The following HERC3 variants were observed in gnomAD, a reference collection of about 807,000 sequenced individuals.
HERC3 encodes probable E3 ubiquitin-protein ligase HERC3.
Under a neutral mutation model 129.9 loss-of-function variants are expected in HERC3, and 58 were observed. The ratio of observed to expected loss-of-function variants is 0.45; its 90% CI spans 0.36 to 0.56. HERC3 has a LOEUF of 0.56. Among genes scored for constraint, HERC3 ranks in the 20% least tolerant of loss-of-function variants. The pLI, the probability that HERC3 is intolerant of heterozygous loss-of-function variation, is 0.00. For synonymous variants in HERC3, 430 were observed against 451.0 expected, an observed-to-expected ratio of 0.95 and a Z score of 0.59; for missense variants, 835 against 1,244.2, an observed-to-expected ratio of 0.67 and a Z score of 4.95.
chr4:88,567,281 T>A, the HERC3 span, among the ~76,000 whole-genome samples: 2 of 152,212 alleles, frequency 1.3e-5, no homozygotes, highest in Non-Finnish European at 2.9e-5. Context: ...CTTATTTAGG[T>A]TAAATCTGCT....
chr4:88,530,935 T>C, the HERC3 span, among the ~76,000 whole-genome samples: 10 of 152,146 alleles, frequency 6.6e-5, no homozygotes, highest in Non-Finnish European at 1.2e-4. Flanking sequence ...CTGCAACCTC[T>C]ACCTCCCAGG....
At chr4:88,697,641 G>T (rs367583588) in intron 23 of HERC3, 1 of 1,613,656 alleles carries the variant, frequency 6.2e-7, no homozygotes, top group Non-Finnish European at 8.5e-7. Context: ...CAGCCGCGCT[G>T]TCACAGTCTC....
rs1340115252 is a variant in HERC3, at chr4:88,677,994, G to A, written c.2056G>A (p.Val686Ile). ...VAVNGANLQN[V>I]FMLLTLEPLL... ...AGTCAATGGAGCCAACCTGCAGAATGTCTTCATGCTTCTCACCCTGGAGCC... is the reference window on the plus strand; with the variant it reads ...AGTCAATGGAGCCAACCTGCAGAATATCTTCATGCTTCTCACCCTGGAGCC... The change falls in exon 19 of 26, where the codon GTC becomes ATC. Residue 686 changes from valine (V) to isoleucine (I), a missense_variant. Transcript: ENST00000402738. 1 of 1,613,430 alleles carries A rather than the reference G, an allele frequency of 6.2e-7. No individual in the cohort carries two copies.
At chr4:88,646,848 G>A (rs1274221413) in intron 3 of HERC3, among the ~76,000 whole-genome samples, 2 of 152,246 alleles carry the variant, frequency 1.3e-5, no homozygotes, top group Non-Finnish European at 2.9e-5. Context: ...AGTTAGACTT[G>A]TGTAACCAGT....
intron 23 of HERC3, chr4:88,690,149 T>G (rs1440871342): frequency 1.0e-6 from 1 of 985,290 alleles, no homozygotes; most frequent in African/African-American, 1.7e-5. Flanking sequence ...ATCAAAACCC[T>G]TGATAAGAAT....
chr4:88,589,731 G>A (rs1721614836), upstream of HERC3, among the ~76,000 whole-genome samples: 1 of 152,152 alleles, frequency 6.6e-6, no homozygotes, highest in Admixed American at 6.5e-5. Flanking sequence ...CCATTTTGAA[G>A]CAGGACATGC....
chr4:88,693,342 T>C lies in HERC3; in HGVS notation c.2657+6043T>C, dbSNP rs567555543. 9.4e-6 allele frequency: 9 copies of C among 962,434 alleles called. No homozygotes were observed. The East Asian group carries it at 8.1e-4, about 86-fold the overall frequency. The allele number at this position is 962,434 out of a possible 1,614,324, so 59.6% of individuals were successfully genotyped here. A position where few individuals can be genotyped will look rare whatever the true frequency, so the allele number is the denominator to read the frequency against. The stretch of plus-strand genomic sequence containing the variant: ...TATAACATTTGAATTTGTTGGTAGA[T>C]ATTTTTGATAAATTGATTTTGCTAA... On this transcript the variant is annotated intron_variant, in intron 23 of 25. Transcript: ENST00000402738.
At chr4:88,658,217 AC>A (rs1387306953) in intron 9 of HERC3, 197 bp from the exon 10 acceptor site, 1 of 389,682 alleles carries the variant, frequency 2.6e-6, no homozygotes, top group East Asian at 3.8e-5. Flanking sequence ...AGTGGAGGAT[AC>A]CATTTTATAT....
chr4:88,697,877 G>GC (rs1734827163), intron 23 of HERC3: 1 of 1,375,852 alleles, frequency 7.3e-7, no homozygotes. Flanking sequence ...AATGACGTTG[G>GC]CCGCGGCCCC....
chr4:88,680,934 T>G, intron 20 of HERC3: 179 of 750,952 alleles, frequency 2.4e-4, no homozygotes, highest in Non-Finnish European at 2.7e-4. Flanking sequence ...TAGATGACTG[T>G]GAGCTGTTCT....
chr4:88,666,748 T>C (rs1731087918), intron 12 of HERC3, among the ~76,000 whole-genome samples: 1 of 152,178 alleles, frequency 6.6e-6, no homozygotes, highest in Non-Finnish European at 1.5e-5. Flanking sequence ...TATTTAAGGT[T>C]AAAAAAATGA....
chr4:88,600,285 G>A (rs1284123992), intron 2 of HERC3, among the ~76,000 whole-genome samples: 1 of 152,152 alleles, frequency 6.6e-6, no homozygotes. Context: ...ATATAGTTAG[G>A]TTCTGTAAAG....
chr4:88,562,968 G>T, the HERC3 span, among the ~76,000 whole-genome samples: 1 of 152,196 alleles, frequency 6.6e-6, no homozygotes, highest in African/African-American at 2.4e-5. Flanking sequence ...TCCTTGGGAT[G>T]GCTTTGGCTA....
chr4:88,683,524 G>A (rs975169062), intron 21 of HERC3, among the ~76,000 whole-genome samples: 1 of 152,198 alleles, frequency 6.6e-6, no homozygotes, highest in Non-Finnish European at 1.5e-5. Flanking sequence ...TTATGTGGCT[G>A]AGAATTATGT....
At chr4:88,582,796 C>T in the HERC3 span, among the ~76,000 whole-genome samples, 3 of 152,190 alleles carry the variant, frequency 2.0e-5, no homozygotes, top group Non-Finnish European at 2.9e-5. Flanking sequence ...CCCTAGAGCA[C>T]AGAGAAACTT....
intron 23 of HERC3, chr4:88,693,589 C>T (rs1430273889): frequency 7.4e-6 from 7 of 940,114 alleles, no homozygotes; most frequent in African/African-American, 1.8e-5. Flanking sequence ...ATGTACAAAA[C>T]GCCACTGAAT....
chr4:88,645,712 TGA>T (rs1277207919), intron 3 of HERC3, among the ~76,000 whole-genome samples: 2 of 152,170 alleles, frequency 1.3e-5, no homozygotes, highest in Non-Finnish European at 2.9e-5. Context: ...AGCGGGACAG[TGA>T]GAGATTTCAT....
At chr4:88,564,611 T>G in the HERC3 span, among the ~76,000 whole-genome samples, 4 of 152,196 alleles carry the variant, frequency 2.6e-5, no homozygotes, top group Admixed American at 2.0e-4. Flanking sequence ...TCTAATTTTA[T>G]CTGTTTGAGT....
chr4:88,649,383 GA>G (rs1453900973), intron 3 of HERC3, among the ~76,000 whole-genome samples: 5 of 152,188 alleles, frequency 3.3e-5, no homozygotes, highest in African/African-American at 1.2e-4. Flanking sequence ...ACTGAGGGGA[GA>G]AAGTTGTTTA....
Sources: allele counts gnomAD v4.1 joint callset (sites outside exome capture counted in the v4.1 genomes callset), GRCh38; gene constraint gnomAD v4.1.1; transcripts MANE v1.5; gene names NCBI Gene and HGNC (gene_info 2026-07-23, HGNC 2026-07-21).